Variants in ADGRE3 observed in about 807,000 individuals in gnomAD.
ADGRE3 encodes the protein EGF-like module receptor 3.
ADGRE3 carries 88 observed loss-of-function variants against 80.1 expected under a neutral mutation model. That is an observed-to-expected ratio of 1.10 (90% CI 0.93 to 1.31). ADGRE3 has a LOEUF of 1.31. ADGRE3 is among the 40% of genes most tolerant of loss of function. ADGRE3 has a pLI of 0.00. For synonymous variants in ADGRE3, 281 were observed against 294.8 expected (o/e 0.95, Z 0.48); for missense variants, 715 against 776.5 (o/e 0.92, Z 0.94).
At position 14,641,730 on chromosome 19, in the gene ADGRE3, C is replaced by T. The variant is rs117772410; in HGVS notation, c.1051-114G>A. On this transcript the variant is annotated intron_variant, in intron 9 of 15. Coordinates refer to ENST00000253673, the MANE Select transcript of ADGRE3 (RefSeq NM_032571.5). ...ACCAAGCCCAGTGGTAGTGTGGGACCGTTAGACTGCTAATGTAGATTGCTA... is the reference window on the plus strand; with the variant it reads ...ACCAAGCCCAGTGGTAGTGTGGGACTGTTAGACTGCTAATGTAGATTGCTA... The T allele has an allele frequency of 1.2e-3, 1,548 of 1,245,702 alleles. 6 individuals are homozygous for T. Among genetic ancestry groups the T allele is most frequent in the South Asian group, 6.0e-3 (457 of 75,968 alleles). The allele number at this position is 1,245,702 out of a possible 1,614,324, so 77.2% of individuals were successfully genotyped here. A position where few individuals can be genotyped will look rare whatever the true frequency, so the allele number is the denominator to read the frequency against.
At chr19:14,648,905 C>A (rs1484367799) in intron 7 of ADGRE3, among the ~76,000 whole-genome samples, 3 of 152,214 alleles carry the variant, frequency 2.0e-5, no homozygotes, top group Admixed American at 6.6e-5. Context: ...AAATGACTCT[C>A]CTCGTCCCTC....
rs1421947952 is a variant in ADGRE3 at position 14,636,008 on chromosome 19, TCTTTCTTC to T, written c.1484+2089_1484+2096del. ...GCTCTCCTTTCTCTCTCTTTCTCTT[TCTTTCTTC>T]CTTCCTTCCTTCCTTCCTTCCTTCC... On this transcript the variant is annotated intron_variant, in intron 11 of 15. Transcript: ENST00000253673. Among the ~76,000 whole-genome samples, 208 of 76,100 alleles carry T rather than the reference TCTTTCTTC, an allele frequency of 2.7e-3. 16 individuals carry two copies. Among genetic ancestry groups the T allele is most frequent in the African/African-American group, 7.1e-3 (126 of 17,806 alleles). 49.9% of individuals were successfully genotyped at this position (76,100 alleles called of 152,430 possible).
chr19:14,600,313 C>A, the ADGRE3 span: 1 of 1,074,788 alleles, frequency 9.3e-7, no homozygotes, highest in Non-Finnish European at 1.3e-6. Context: ...ACTTTAACAG[C>A]AAGCTCTTCC....
chr19:14,606,374 CAAAA>C, the ADGRE3 span, among the ~76,000 whole-genome samples: 9 of 94,722 alleles, frequency 9.5e-5, no homozygotes, highest in Non-Finnish European at 1.8e-4. Context: ...GACCCTGTCT[CAAAA>C]AAAAAAAAAA....
the ADGRE3 span, among the ~76,000 whole-genome samples, chr19:14,606,634 C>G: frequency 6.7e-6 from 1 of 149,746 alleles, no homozygotes; most frequent in Non-Finnish European, 1.5e-5. Context: ...GAGCTGAGAT[C>G]GCACCACAGC....
intron 15 of ADGRE3, among the ~76,000 whole-genome samples, chr19:14,623,972 C>T (rs1353864796): frequency 6.6e-6 from 1 of 152,148 alleles, no homozygotes; most frequent in Non-Finnish European, 1.5e-5. Flanking sequence ...CAAGTTTGTA[C>T]TAAGACTAGC....
rs375457924 is a variant in ADGRE3, at chr19:14,641,078, C to T, written c.1248+341G>A. The stretch of plus-strand genomic sequence containing the variant: ...ATATTTGCCTTCCCATAATTTGTGC[C>T]CCTAGAGAGCCAAGATCTTTTTCCC... On this transcript the variant is annotated intron_variant, in intron 10 of 15. Transcript: ENST00000253673. Among the ~76,000 whole-genome samples the T allele has an allele frequency of 9.3e-4, 141 of 152,202 alleles. 5 individuals are homozygous for T. The South Asian group carries it at 0.029, about 31-fold the overall frequency.
rs1050984282 is a variant in ADGRE3, at chr19:14,655,178, A to G, written c.394-13T>C. 5.6e-6 allele frequency: 9 copies of G among 1,594,162 alleles called. No individual in the cohort carries two copies. Among genetic ancestry groups the G allele is most frequent in the Non-Finnish European group, 7.7e-6 (9 of 1,173,262 alleles). On this transcript the variant is annotated splice_polypyrimidine_tract_variant and intron_variant, in intron 5 of 15. Transcript: ENST00000253673. ...CAATCTTTTGCAGCTTTGAAGACAT[A>G]AAGAATTTTCATTTTTTAAAAATGT...
chr19:14,655,233 A>G, intron 5 of ADGRE3, 68 bp from the exon 6 acceptor site: 1 of 1,400,582 alleles, frequency 7.1e-7, no homozygotes, highest in African/African-American at 1.4e-5. Context: ...CCAAAAGAAC[A>G]GTAGAAAGCA....
Position 14,647,260 on chromosome 19 carries a change from T to C in ADGRE3, c.803A>G (p.Gln268Arg). ...GGGTCCAATAGCAGCACTCACAACC[T>C]GAGAGTTCAGATACACTTGATCTTT... ...DKKDQVYLNSQVVSAAIGPKR... is the reference protein window; with the variant it reads ...DKKDQVYLNSRVVSAAIGPKR... Residue 268 changes from glutamine (Q) to arginine (R), a missense_variant, in exon 8 of 16, where the codon CAG becomes CGG. Physicochemically the swap from Gln to Arg is conservative, Grantham distance 43. Transcript: ENST00000253673. 6.2e-7 allele frequency: 1 copy of C among 1,613,826 alleles called. No individual in the cohort carries two copies. Among genetic ancestry groups the C allele is most frequent in the Non-Finnish European group, 8.5e-7 (1 of 1,179,742 alleles).
chr19:14,601,984 G>A, the ADGRE3 span, among the ~76,000 whole-genome samples: 1 of 148,352 alleles, frequency 6.7e-6, no homozygotes, highest in African/African-American at 2.6e-5. Flanking sequence ...AGTAGAGACG[G>A]GGTTTCACTG....
intron 5 of ADGRE3, 53 bp from the exon 6 acceptor site, chr19:14,655,218 C>G: frequency 6.6e-7 from 1 of 1,504,532 alleles, no homozygotes; most frequent in Non-Finnish European, 9.0e-7. Context: ...TGGTAAGTCC[C>G]ATATCCAAAA....
At chr19:14,618,655 G>A (rs982380132), downstream of ADGRE3, among the ~76,000 whole-genome samples, 2 of 151,372 alleles carry the variant, frequency 1.3e-5, no homozygotes, top group Non-Finnish European at 2.9e-5. Context: ...CTGGGAGTTC[G>A]AGACCAGCCT....
the ADGRE3 span, among the ~76,000 whole-genome samples, chr19:14,605,676 A>G: frequency 6.6e-6 from 1 of 152,042 alleles, no homozygotes; most frequent in Non-Finnish European, 1.5e-5. Context: ...GTTGCTTCTA[A>G]CTATATTTTC....
chr19:14,652,784 A>G (rs1051824078), intron 6 of ADGRE3, among the ~76,000 whole-genome samples: 1 of 131,414 alleles, frequency 7.6e-6, no homozygotes, highest in African/African-American at 3.1e-5. Context: ...CTCAAAAAAA[A>G]AAAAAGAAAA....
In ADGRE3 at chr19:14,619,196, G is replaced by A. The variant is rs1377478174; in HGVS notation, c.*237C>T. On this transcript the variant is annotated 3_prime_UTR_variant, in exon 16 of 16. Coordinates refer to ENST00000253673, the MANE Select transcript of ADGRE3 (RefSeq NM_032571.5). Reference sequence around the variant, plus strand: ...TCAAGGAAATATTTGCAGTGGTCATGCTTTGGGTTTCCAGGGACAAGCATT... The same window carrying A: ...TCAAGGAAATATTTGCAGTGGTCATACTTTGGGTTTCCAGGGACAAGCATT... 1 of 507,212 alleles carries A rather than the reference G, an allele frequency of 2.0e-6. No individual in the cohort carries two copies. The highest frequency in any genetic ancestry group is 2.0e-5 in the African/African-American group (1 of 49,990). The allele number at this position is 507,212 out of a possible 1,614,324, so 31.4% of individuals were successfully genotyped here.
chr19:14,617,383 T>TTTCTTTCTTTCTTTCTTTCTTTCTTTC (rs1362484812), downstream of ADGRE3, among the ~76,000 whole-genome samples: 1 of 131,632 alleles, frequency 7.6e-6, no homozygotes, highest in Non-Finnish European at 1.6e-5. Flanking sequence ...TCTTCCTTTC[T>TTTCTTTCTTTCTTTCTTTCTTTCTTTC]TTCTTTCTTT....
chr19:14,642,042 A>T (rs1284485632), intron 9 of ADGRE3, among the ~76,000 whole-genome samples: 2 of 152,132 alleles, frequency 1.3e-5, no homozygotes, highest in Non-Finnish European at 2.9e-5. Flanking sequence ...GAGGAGAGAG[A>T]GAGAATAGGG....
rs1970838153 is a variant in ADGRE3 at position 14,630,116 on chromosome 19, T to C, written c.1735A>G (p.Met579Val). Reference protein sequence around the residue: ...LLQVGPAAQVMAYLFTIINSL... With the variant: ...LLQVGPAAQVVAYLFTIINSL... ...TTGATGATGGTGAAGAGGTAGGCCA[T>C]GACCTGGGCAGCTGGACCCACCTGT... Residue 579 changes from methionine to valine, a missense_variant, in exon 14 of 16, where the codon ATG (methionine) becomes GTG (valine). Physicochemically the swap from Met to Val is conservative, Grantham distance 21 (BLOSUM62 1). Coordinates refer to ENST00000253673, the MANE Select transcript of ADGRE3 (RefSeq NM_032571.5). The C allele has an allele frequency of 6.2e-7, 1 of 1,613,480 alleles. No individual in the cohort carries two copies. The highest frequency in any genetic ancestry group is 8.5e-7 in the Non-Finnish European group (1 of 1,179,524).
Sources: allele counts gnomAD v4.1 joint callset (sites outside exome capture counted in the v4.1 genomes callset), GRCh38; gene constraint gnomAD v4.1.1; transcripts MANE v1.5; gene names NCBI Gene and HGNC (gene_info 2026-07-23, HGNC 2026-07-21).